ANKRD11: variants seen among roughly 807,000 people sequenced by gnomAD.
ANKRD11 encodes ankyrin repeat domain-containing protein 11.
A neutral mutation model predicts 195.7 loss-of-function variants in ANKRD11; 17 were observed. The ratio of observed to expected loss-of-function variants is 0.09; its 90% CI spans 0.06 to 0.13. The LOEUF is 0.13. Ranked by LOEUF, ANKRD11 falls within the 10% of genes least tolerant of loss-of-function variation. The probability of loss-of-function intolerance (pLI) is 1.00; values close to 1 mark genes in which losing one functional copy is unlikely to be tolerated. For synonymous variants in ANKRD11, 1,953 were observed against 1,528.1 expected (o/e 1.28, Z -6.49); for missense variants, 3,735 against 3,566.1 (o/e 1.05, Z -1.21).
chr16:89,275,917 G>C (rs530390523), intron 9 of ANKRD11, among the ~76,000 whole-genome samples: 1 of 152,184 alleles, frequency 6.6e-6, no homozygotes, highest in African/African-American at 2.4e-5. Context: ...GCTGAGCCCC[G>C]CAGTGCAGCA....
chr16:89,477,604 G>A lies in ANKRD11; in HGVS notation c.-145+12641C>T, dbSNP rs542040714. ...ACTCCTGACCTCAGGTGATCCACCC[G>A]CTTCAGCCTCCCAAAGTGCTGGGAT... On this transcript the variant is annotated intron_variant, in intron 1 of 12. Transcript: ENST00000301030. Among the ~76,000 whole-genome samples the A allele has an allele frequency of 1.5e-3, 223 of 149,100 alleles. 1 individual carries two copies. The highest frequency in any genetic ancestry group is 5.0e-3 in the African/African-American group (204 of 40,850).
Position 89,282,245 on chromosome 16 carries a change from A to T in ANKRD11, c.4297T>A (p.Ser1433Thr). ...ATTTTCTTGGAAGGTTCTCTCTCGG[A>T]ATCATTTTTATCTTTCTTTTCGGTA... ...FSTEKKDKND[S>T]EREPSKKIEK... Residue 1433 changes from serine (S) to threonine (T), a missense_variant, in exon 9 of 13, where the codon TCC becomes ACC. Coordinates refer to ENST00000301030, the MANE Select transcript of ANKRD11 (RefSeq NM_013275.6). 1 of 1,613,408 alleles carries T rather than the reference A, an allele frequency of 6.2e-7. No individual in the cohort carries two copies. The highest frequency in any genetic ancestry group is 8.5e-7 in the Non-Finnish European group (1 of 1,179,892).
chr16:89,413,890 G>T (rs2042195223), intron 2 of ANKRD11, among the ~76,000 whole-genome samples: 1 of 152,116 alleles, frequency 6.6e-6, no homozygotes, highest in South Asian at 2.1e-4. Flanking sequence ...GAGGCAGGAG[G>T]GTGGTACCAA....
rs527837033 is a variant in ANKRD11, at chr16:89,268,770, C to A, written c.7807-107G>T. 55 of 1,347,618 alleles carry A rather than the reference C, an allele frequency of 4.1e-5. No individual in the cohort carries two copies. In the African/African-American group the frequency reaches 7.1e-4, roughly 17 times the overall value. The allele number at this position is 1,347,618 out of a possible 1,614,324, so 83.5% of individuals were successfully genotyped here. Reference sequence around the variant, plus strand: ...GCCAAGGGCGTGATACGGCCGTGAACCTACCCTGGTATGGGCCAGGCCCAG... The same window carrying A: ...GCCAAGGGCGTGATACGGCCGTGAAACTACCCTGGTATGGGCCAGGCCCAG... On this transcript the variant is annotated intron_variant, in intron 12 of 12. Transcript: ENST00000301030.
intron 7 of ANKRD11, chr16:89,288,106 C>A: frequency 1.7e-6 from 1 of 587,694 alleles, no homozygotes; most frequent in South Asian, 2.1e-5. Flanking sequence ...AAGCTTGAGT[C>A]TATGGTTCTG....
At chr16:89,413,601 G>C (rs2042181708) in intron 2 of ANKRD11, among the ~76,000 whole-genome samples, 1 of 152,154 alleles carries the variant, frequency 6.6e-6, no homozygotes, top group Non-Finnish European at 1.5e-5. Context: ...CTCCAGCCTG[G>C]GCGACAGCCA....
chr16:89,300,752 C>A (rs1033564337), intron 4 of ANKRD11: 6 of 598,144 alleles, frequency 1.0e-5, no homozygotes, highest in South Asian at 5.8e-5. Context: ...GCTGAAGGAA[C>A]CAGCATGTGC....
chr16:89,439,179 C>G (rs1350232383), intron 1 of ANKRD11, among the ~76,000 whole-genome samples: 1 of 152,082 alleles, frequency 6.6e-6, no homozygotes, highest in Non-Finnish European at 1.5e-5. Flanking sequence ...TCTTTCCTAC[C>G]CGCAGCACTG....
intron 1 of ANKRD11, among the ~76,000 whole-genome samples, chr16:89,428,704 G>A (rs2042837158): frequency 6.6e-6 from 1 of 151,436 alleles, no homozygotes; most frequent in Admixed American, 6.6e-5. Flanking sequence ...GACCAGCCTG[G>A]CCAACATAGT....
chr16:89,378,926 G>A (rs959368847), intron 2 of ANKRD11, among the ~76,000 whole-genome samples: 2 of 151,902 alleles, frequency 1.3e-5, no homozygotes, highest in South Asian at 4.2e-4. Flanking sequence ...TGGGTGGGGC[G>A]AGGTGGGAAG....
chr16:89,329,531 T>C (rs1287713736), intron 2 of ANKRD11, among the ~76,000 whole-genome samples: 1 of 152,184 alleles, frequency 6.6e-6, no homozygotes, highest in African/African-American at 2.4e-5. Context: ...AAATTTAAAA[T>C]GAGTGAATTT....
At position 89,285,903 on chromosome 16, in the gene ANKRD11, C is replaced by A; in HGVS notation, c.892+136G>T. On this transcript the variant is annotated intron_variant, in intron 8 of 12. Transcript: ENST00000301030. This position sits in a 1 kb window ranked among gnomAD's most constrained non-coding sequence, Gnocchi z 5.6. ...AGTGACACACCTGGGCGGGGTCTCC[C>A]GCAGTCCAGAAGCTCCTGTAAGCCC... 1 of 1,414,498 alleles carries A rather than the reference C, an allele frequency of 7.1e-7. No individual in the cohort carries two copies. 87.6% of individuals were successfully genotyped at this position (1,414,498 alleles called of 1,614,324 possible).
intron 2 of ANKRD11, among the ~76,000 whole-genome samples, chr16:89,334,820 G>A (rs942233162): frequency 6.6e-6 from 1 of 152,140 alleles, no homozygotes; most frequent in Non-Finnish European, 1.5e-5. Flanking sequence ...AGTCCAGGTG[G>A]CCCACAACAC....
intron 2 of ANKRD11, among the ~76,000 whole-genome samples, chr16:89,382,796 C>T (rs116335283): frequency 0.021 from 3,222 of 152,242 alleles, 127 homozygotes; most frequent in African/African-American, 0.074. Context: ...AAACGTTTAA[C>T]CACCACCTTG....
At chr16:89,461,070 G>A (rs1395913748) in intron 1 of ANKRD11, among the ~76,000 whole-genome samples, 1 of 133,408 alleles carries the variant, frequency 7.5e-6, no homozygotes, top group Non-Finnish European at 1.6e-5. Context: ...CGCACCTTGA[G>A]TGGTGACATT....
chr16:89,447,336 C>G (rs1032661187), intron 1 of ANKRD11, among the ~76,000 whole-genome samples: 1 of 152,170 alleles, frequency 6.6e-6, no homozygotes, highest in Non-Finnish European at 1.5e-5. Context: ...CACCCCAACA[C>G]CCTTTCCTCT....
chr16:89,287,988 C>G (rs2034768772), intron 7 of ANKRD11: 1 of 478,270 alleles, frequency 2.1e-6, no homozygotes, highest in Non-Finnish European at 3.7e-6. Flanking sequence ...CCCCTGCTTT[C>G]CGGCAGGACG....
At chr16:89,435,485 C>T (rs1039420174) in intron 1 of ANKRD11, among the ~76,000 whole-genome samples, 2 of 152,118 alleles carry the variant, frequency 1.3e-5, no homozygotes, top group East Asian at 1.9e-4. Context: ...TAACCCTCAG[C>T]GCGAAGGTCT....
intron 1 of ANKRD11, among the ~76,000 whole-genome samples, chr16:89,456,542 C>CAA (rs748076442): frequency 2.2e-4 from 16 of 74,350 alleles, no homozygotes; most frequent in African/African-American, 4.5e-4. Context: ...GACTCCGTTT[C>CAA]AAAAAAAAAA....
Sources: gnomAD v4.1 joint callset for allele counts (sites outside exome capture counted in the v4.1 genomes callset) on GRCh38, gnomAD v4.1.1 for gene constraint, Gnocchi (gnomAD v3.1) non-coding constraint, MANE v1.5 for transcripts, NCBI Gene and HGNC (gene_info 2026-07-23, HGNC 2026-07-21) for gene names.